The following EFNA5 variants were observed in gnomAD, a reference collection of about 807,000 sequenced individuals.
The protein encoded by EFNA5 is ephrin A5, also known as ephrin-A5.
EFNA5 carries 5 observed loss-of-function variants against 22.9 expected under a neutral mutation model. The ratio of observed to expected loss-of-function variants is 0.22; its 90% CI spans 0.11 to 0.46. The LOEUF (loss-of-function observed/expected upper bound fraction) is 0.46. EFNA5 is among the 20% of genes least tolerant of loss of function. The probability of loss-of-function intolerance (pLI) is 0.99; values close to 1 mark genes in which losing one functional copy is unlikely to be tolerated. For missense variants in EFNA5, 237 were observed against 293.3 expected, an observed-to-expected ratio of 0.81 and a Z score of 1.40; for synonymous variants, 113 against 112.2, an observed-to-expected ratio of 1.01 and a Z score of -0.04.
intron 1 of EFNA5, among the ~76,000 whole-genome samples, chr5:107,609,268 T>G (rs1469076550): frequency 6.6e-6 from 1 of 152,152 alleles, no homozygotes; most frequent in African/African-American, 2.4e-5. Flanking sequence ...GCATCCAATA[T>G]CACACAAAGA....
intron 1 of EFNA5, among the ~76,000 whole-genome samples, chr5:107,445,254 C>A (rs1749360641): frequency 6.6e-6 from 1 of 152,060 alleles, no homozygotes; most frequent in South Asian, 2.1e-4. Context: ...AACTCCTGAC[C>A]ACAAGTGATC....
intron 1 of EFNA5, among the ~76,000 whole-genome samples, chr5:107,505,473 G>GGA (rs1330886444): frequency 6.6e-6 from 1 of 152,146 alleles, no homozygotes; most frequent in South Asian, 2.1e-4. Context: ...TAGTAGACAA[G>GGA]GAGATTTAGG....
At chr5:107,394,975 A>G (rs959149373) in intron 2 of EFNA5, among the ~76,000 whole-genome samples, 3 of 146,906 alleles carry the variant, frequency 2.0e-5, no homozygotes, top group Non-Finnish European at 4.5e-5. Context: ...TGAGCCAAAA[A>G]TAACGTGGAT....
At chr5:107,555,345 G>C (rs538870387) in intron 1 of EFNA5, among the ~76,000 whole-genome samples, 14 of 152,288 alleles carry the variant, frequency 9.2e-5, no homozygotes, top group African/African-American at 3.4e-4. Flanking sequence ...TGTTCGTGCA[G>C]CTACCCATGT....
chr5:107,607,313 TTAAA>T (rs917022912), intron 1 of EFNA5, among the ~76,000 whole-genome samples: 1 of 152,168 alleles, frequency 6.6e-6, no homozygotes, highest in Admixed American at 6.5e-5. Context: ...TCGCACACAC[TTAAA>T]TAAAACGGCG....
intron 1 of EFNA5, among the ~76,000 whole-genome samples, chr5:107,614,767 A>C (rs1749880947): frequency 6.6e-6 from 1 of 152,184 alleles, no homozygotes; most frequent in South Asian, 2.1e-4. Context: ...GTGCCATATT[A>C]AAGCAAGAAA....
intron 2 of EFNA5, among the ~76,000 whole-genome samples, chr5:107,399,635 C>T (rs1748033701): frequency 6.6e-6 from 1 of 152,106 alleles, no homozygotes; most frequent in Non-Finnish European, 1.5e-5. Flanking sequence ...TGACATTGTC[C>T]TTGCTGAATT....
intron 1 of EFNA5, among the ~76,000 whole-genome samples, chr5:107,548,033 T>G (rs1460438045): frequency 6.6e-6 from 1 of 152,166 alleles, no homozygotes; most frequent in Non-Finnish European, 1.5e-5. Flanking sequence ...TAAAAATAAT[T>G]GTGAAGAATA....
intron 1 of EFNA5, among the ~76,000 whole-genome samples, chr5:107,513,323 G>T (rs538837947): frequency 2.6e-5 from 4 of 152,062 alleles, no homozygotes; most frequent in African/African-American, 4.8e-5. Context: ...GGAAACACTC[G>T]CTTGGGAGCT....
rs1375620514 is a variant in EFNA5 at position 107,509,602 on chromosome 5, G to A, written c.126-82093C>T. On this transcript the variant is annotated intron_variant, in intron 1 of 4. Transcript: ENST00000333274. ...CGCCTTGGCCTCCCAAAGTGCTGGG[G>A]TTACAGGCATGAGCCACCACACCCG... is the stretch of plus-strand genomic sequence containing the variant. Among the ~76,000 whole-genome samples the A allele has an allele frequency of 6.6e-5, 10 of 151,468 alleles. No homozygotes were observed. In the East Asian group the frequency reaches 2.0e-3, roughly 30 times the overall value.
chr5:107,427,531 A>G, intron 1 of EFNA5, 22 bp from the exon 2 acceptor site: 3 of 1,566,482 alleles, frequency 1.9e-6, no homozygotes, highest in Non-Finnish European at 2.6e-6. Flanking sequence ...AGAAAAAAAA[A>G]TGTGATAATT....
rs1747339030 is a variant in EFNA5 at position 107,378,500 on chromosome 5, T to A, written c.*2755A>T. The stretch of plus-strand genomic sequence containing the variant: ...AACATCCTCCTAAGCCCCCAGAGGA[T>A]TGTAACACCACCACAAAAGGCCACC... On this transcript the variant is annotated 3_prime_UTR_variant, in exon 5 of 5. Coordinates refer to ENST00000333274, the MANE Select transcript of EFNA5 (RefSeq NM_001962.3). 6.6e-6 allele frequency: 1 copy of A among 152,096 alleles called. No homozygotes were observed. The highest frequency in any genetic ancestry group is 1.5e-5 in the Non-Finnish European group (1 of 68,022). 9.4% of individuals were successfully genotyped at this position (152,096 alleles called of 1,614,324 possible).
intron 1 of EFNA5, among the ~76,000 whole-genome samples, chr5:107,468,315 G>C (rs1750047826): frequency 1.3e-5 from 2 of 152,140 alleles, no homozygotes; most frequent in Admixed American, 1.3e-4. Flanking sequence ...TCACCCTTAG[G>C]CAGGAAAAAC....
At chr5:107,628,723 A>C (rs1322267253) in intron 1 of EFNA5, among the ~76,000 whole-genome samples, 2 of 152,194 alleles carry the variant, frequency 1.3e-5, no homozygotes. Flanking sequence ...CCAAAATAAA[A>C]TGGATGTGAA....
intron 1 of EFNA5, among the ~76,000 whole-genome samples, chr5:107,659,387 C>T (rs1750896048): frequency 6.6e-6 from 1 of 151,832 alleles, no homozygotes; most frequent in Admixed American, 6.6e-5. Context: ...GCGTGGATGA[C>T]TGAAATCCAA....
At chr5:107,440,339 GT>G (rs1749223517) in intron 1 of EFNA5, among the ~76,000 whole-genome samples, 1 of 152,160 alleles carries the variant, frequency 6.6e-6, no homozygotes, top group East Asian at 1.9e-4. Flanking sequence ...GAATATAGTT[GT>G]TTTTCTTTTT....
chr5:107,474,747 T>A (rs1750233435), intron 1 of EFNA5, among the ~76,000 whole-genome samples: 1 of 152,278 alleles, frequency 6.6e-6, no homozygotes. Context: ...TAAATATTTT[T>A]AGCAAGAGGC....
intron 1 of EFNA5, among the ~76,000 whole-genome samples, chr5:107,535,527 A>C (rs1413238030): frequency 6.6e-6 from 1 of 152,198 alleles, no homozygotes; most frequent in African/African-American, 2.4e-5. Context: ...ATCAAATGAT[A>C]AAGTTTGAAA....
chr5:107,378,287 G>A lies in EFNA5; in HGVS notation c.*2968C>T, dbSNP rs1274720045. ...CTAAACTAACACGAACTGTTACCTGGTCTATTAAAGGATACACGGTATCCA... is the reference window on the plus strand; with the variant it reads ...CTAAACTAACACGAACTGTTACCTGATCTATTAAAGGATACACGGTATCCA... On this transcript the variant is annotated 3_prime_UTR_variant, in exon 5 of 5. Coordinates refer to ENST00000333274, the MANE Select transcript of EFNA5 (RefSeq NM_001962.3). 3 of 150,984 alleles carry A rather than the reference G, an allele frequency of 2.0e-5. No individual in the cohort carries two copies. Among genetic ancestry groups the A allele is most frequent in the Non-Finnish European group, 2.9e-5 (2 of 67,860 alleles). The allele number at this position is 150,984 out of a possible 1,614,324, so 9.4% of individuals were successfully genotyped here. A position where few individuals can be genotyped will look rare whatever the true frequency, so the allele number is the denominator to read the frequency against.
Sources: gnomAD v4.1 joint callset for allele counts (sites outside exome capture counted in the v4.1 genomes callset) on GRCh38, gnomAD v4.1.1 for gene constraint, MANE v1.5 for transcripts, NCBI Gene and HGNC (gene_info 2026-07-23, HGNC 2026-07-21) for gene names.